Variants in TAFA1 observed in about 807,000 individuals in gnomAD.
TAFA1 encodes the protein chemokine-like protein TAFA-1.
Under a neutral mutation model 18.5 loss-of-function variants are expected in TAFA1, and 4 were observed. The observed-to-expected ratio is 0.22, with a 90% confidence interval of 0.11 to 0.49. TAFA1 has a LOEUF of 0.49. TAFA1 is among the 20% of genes least tolerant of loss of function. The probability of loss-of-function intolerance (pLI) is 0.98; values close to 1 mark genes in which losing one functional copy is unlikely to be tolerated. For missense variants in TAFA1, 147 were observed against 169.0 expected (o/e 0.87, Z 0.72); for synonymous variants, 56 against 55.2 (o/e 1.01, Z -0.06).
At chr3:68,186,774 TA>T (rs2066277347) in intron 2 of TAFA1, among the ~76,000 whole-genome samples, 1 of 152,082 alleles carries the variant, frequency 6.6e-6, no homozygotes, top group Non-Finnish European at 1.5e-5. Flanking sequence ...GGCTCTTTAG[TA>T]AGTGCTCAGG....
intron 2 of TAFA1, among the ~76,000 whole-genome samples, chr3:68,198,210 A>C (rs1294702506): frequency 6.6e-6 from 1 of 151,486 alleles, no homozygotes; most frequent in African/African-American, 2.4e-5. Context: ...TTGATAGTTT[A>C]TTTCTTTTTA....
Position 68,136,047 on chromosome 3 carries a change from G to A in TAFA1, c.118+129303G>A, listed in dbSNP as rs140654406. On this transcript the variant is annotated intron_variant, in intron 2 of 4. Coordinates refer to ENST00000478136, the MANE Select transcript of TAFA1 (RefSeq NM_213609.4). ...GACTTGCACATATTCTTCTGATTTT[G>A]ACTCATAGCTCATTTCAAGTATGAG... is the stretch of plus-strand genomic sequence containing the variant. Among the ~76,000 whole-genome samples the A allele has an allele frequency of 4.6e-5, 7 of 152,152 alleles. 1 individual carries two copies. The highest frequency in any genetic ancestry group is 8.8e-5 in the Non-Finnish European group (6 of 67,990).
chr3:68,041,718 A>T (rs975485048), intron 2 of TAFA1, among the ~76,000 whole-genome samples: 10 of 152,198 alleles, frequency 6.6e-5, no homozygotes, highest in African/African-American at 2.4e-4. Context: ...GTTCTCTAGG[A>T]CTTTTCCCAC....
intron 2 of TAFA1, among the ~76,000 whole-genome samples, chr3:68,049,029 A>T (rs756115989): frequency 2.4e-4 from 36 of 152,150 alleles, no homozygotes; most frequent in Non-Finnish European, 4.6e-4. Context: ...TTTTTTGTGG[A>T]ACCCCTGAAC....
intron 2 of TAFA1, among the ~76,000 whole-genome samples, chr3:68,223,065 T>A (rs2066751954): frequency 6.6e-6 from 1 of 152,198 alleles, no homozygotes; most frequent in Non-Finnish European, 1.5e-5. Context: ...CTTTGAGGCT[T>A]GATTTCTTTT....
At chr3:68,001,986 A>T (rs1559697447), upstream of TAFA1, among the ~76,000 whole-genome samples, 1 of 152,162 alleles carries the variant, frequency 6.6e-6, no homozygotes, top group Admixed American at 6.5e-5. Flanking sequence ...AGGAAATGAC[A>T]TCAGTTCTAA....
intron 2 of TAFA1, among the ~76,000 whole-genome samples, chr3:68,088,580 C>A (rs917384098): frequency 2.0e-5 from 3 of 152,130 alleles, no homozygotes; most frequent in African/African-American, 7.2e-5. Flanking sequence ...CAATTTTGAA[C>A]CTGTGCGTTT....
chr3:68,313,243 C>T (rs1022525357), intron 2 of TAFA1, among the ~76,000 whole-genome samples: 4 of 152,184 alleles, frequency 2.6e-5, no homozygotes, highest in Admixed American at 6.5e-5. Context: ...ACCAAATTAA[C>T]AGTAAACAAT....
chr3:68,033,333 C>A (rs894892142), intron 2 of TAFA1, among the ~76,000 whole-genome samples: 1 of 152,166 alleles, frequency 6.6e-6, no homozygotes. Context: ...TGACTTTCAA[C>A]ACCTGACATA....
intron 2 of TAFA1, among the ~76,000 whole-genome samples, chr3:68,100,439 A>T (rs949222225): frequency 1.3e-5 from 2 of 152,034 alleles, no homozygotes; most frequent in South Asian, 2.1e-4. Flanking sequence ...GGCCAAGAGC[A>T]CTCCAGCCTG....
At chr3:68,269,001 C>T (rs1447156797) in intron 2 of TAFA1, among the ~76,000 whole-genome samples, 1 of 152,144 alleles carries the variant, frequency 6.6e-6, no homozygotes, top group Non-Finnish European at 1.5e-5. Flanking sequence ...CCCTACCTTC[C>T]TTCATTCCTC....
intron 2 of TAFA1, among the ~76,000 whole-genome samples, chr3:68,274,037 A>G (rs1173992709): frequency 3.3e-5 from 5 of 152,140 alleles, no homozygotes; most frequent in Non-Finnish European, 7.4e-5. Flanking sequence ...AAGATATGAG[A>G]TTACCTGCCA....
chr3:68,458,650 AAAT>A (rs1364182956), intron 3 of TAFA1, among the ~76,000 whole-genome samples: 6 of 152,192 alleles, frequency 3.9e-5, no homozygotes, highest in African/African-American at 1.2e-4. Flanking sequence ...AACAGGAAAT[AAAT>A]AACATGTTGG....
chr3:68,145,714 T>C (rs374420533), intron 2 of TAFA1: 13 of 748,840 alleles, frequency 1.7e-5, no homozygotes, highest in Non-Finnish European at 2.9e-5. Context: ...TATTTTCAAT[T>C]TATTGGATGG....
Position 68,538,873 on chromosome 3 carries a change from C to T in TAFA1, c.377C>T (p.Thr126Ile). The T allele has an allele frequency of 6.2e-7, 1 of 1,613,444 alleles. No individual in the cohort carries two copies. Among genetic ancestry groups the T allele is most frequent in the South Asian group, 1.1e-5 (1 of 91,072 alleles). Residue 126 changes from threonine to isoleucine, a missense_variant, in exon 4 of 5, where the codon ACC (threonine) becomes ATC (isoleucine). Physicochemically the swap from Thr to Ile is moderately conservative, Grantham distance 89. Coordinates refer to ENST00000478136, the MANE Select transcript of TAFA1 (RefSeq NM_213609.4). Reference protein sequence around the residue: ...WMCATGNKIKTTRIHPRT With the variant: ...WMCATGNKIKITRIHPRT ...TGCGCAACAGGCAACAAAATTAAGACCACGAGAGTAAGTGCACTTATTTCA... is the reference window on the plus strand; with the variant it reads ...TGCGCAACAGGCAACAAAATTAAGATCACGAGAGTAAGTGCACTTATTTCA...
intron 2 of TAFA1, among the ~76,000 whole-genome samples, chr3:68,028,153 A>G (rs1405435027): frequency 1.3e-5 from 2 of 152,112 alleles, no homozygotes; most frequent in Non-Finnish European, 2.9e-5. Flanking sequence ...TACAAAAATT[A>G]GCCAGGTGTG....
intron 2 of TAFA1, among the ~76,000 whole-genome samples, chr3:68,081,792 T>A (rs1474045323): frequency 6.6e-6 from 1 of 152,168 alleles, no homozygotes; most frequent in African/African-American, 2.4e-5. Flanking sequence ...CCCCTAGAGG[T>A]GGAGCCTACA....
chr3:68,470,618 T>A (rs991617100), intron 3 of TAFA1, among the ~76,000 whole-genome samples: 2 of 152,220 alleles, frequency 1.3e-5, no homozygotes, highest in Non-Finnish European at 2.9e-5. Flanking sequence ...ATTTTGCCCC[T>A]GCCCTAGAGA....
At chr3:68,032,683 T>TC (rs1464284894) in intron 2 of TAFA1, among the ~76,000 whole-genome samples, 2 of 152,126 alleles carry the variant, frequency 1.3e-5, no homozygotes, top group African/African-American at 2.4e-5. Context: ...CTCTGCTTTT[T>TC]CCCTCCCAGA....
Sources: gnomAD v4.1 joint callset for allele counts (sites outside exome capture counted in the v4.1 genomes callset) on GRCh38, gnomAD v4.1.1 for gene constraint, MANE v1.5 for transcripts, NCBI Gene and HGNC (gene_info 2026-07-23, HGNC 2026-07-21) for gene names.